MBP: variants seen among roughly 807,000 people sequenced by gnomAD.
MBP encodes the protein Golli-MBP.
In MBP, 16 loss-of-function variants were observed where a neutral mutation model predicts 35.8. The ratio of observed to expected loss-of-function variants is 0.45; its 90% confidence interval spans 0.30 to 0.68. The LOEUF (loss-of-function observed/expected upper bound fraction) is 0.68, where lower values mean the gene tolerates loss of function less well. Ranked by LOEUF, MBP falls within the 30% of genes least tolerant of loss-of-function variation. The probability of loss-of-function intolerance (pLI) is 0.08; values close to 1 mark genes in which losing one functional copy is unlikely to be tolerated. For missense variants in MBP, 380 were observed against 404.7 expected, an observed-to-expected ratio of 0.94 and a Z score of 0.52; for synonymous variants, 143 against 159.6, an observed-to-expected ratio of 0.90 and a Z score of 0.78.
intron 2 of MBP, among the ~76,000 whole-genome samples, chr18:77,088,695 T>C (rs934760183): frequency 3.9e-5 from 6 of 152,140 alleles, no homozygotes; most frequent in African/African-American, 1.4e-4. Context: ...AAAAGATCAG[T>C]AGGATAAAAA....
intron 1 of MBP, chr18:77,115,082 T>C (rs547874587): frequency 6.6e-6 from 1 of 152,388 alleles, no homozygotes; most frequent in African/African-American, 2.4e-5. Context: ...AGAGGAACAC[T>C]ACACGCTGGC....
At position 76,989,791 on chromosome 18, in the gene MBP, G is replaced by C; in HGVS notation, c.681+165C>G. ...GATACAGTCGGGAAGCGCTTGCCTG[G>C]AACTCGCGATCAGGTGCGAGGGGGG... On this transcript the variant is annotated intron_variant, in intron 5 of 8. Transcript: ENST00000355994. The surrounding 1 kb of genome is among the most constrained non-coding windows in gnomAD (Gnocchi z 4.0). 1.6e-6 allele frequency: 1 copy of C among 624,142 alleles called. No homozygotes were observed. The highest frequency in any genetic ancestry group is 2.8e-5 in the East Asian group (1 of 35,468). 38.7% of individuals were successfully genotyped at this position (624,142 alleles called of 1,614,324 possible).
intron 3 of MBP, among the ~76,000 whole-genome samples, chr18:77,062,252 A>T (rs1974012817): frequency 6.6e-6 from 1 of 152,182 alleles, no homozygotes; most frequent in African/African-American, 2.4e-5. Context: ...CCCCACGATT[A>T]GTCAACTCTG....
At position 77,062,693 on chromosome 18, in the gene MBP, G is replaced by A. The variant is rs537640945; in HGVS notation, c.139+3605C>T. ...TCACAGAGACGAGGAGGAAGGCTGCGTGGTTTTAGTTGTCTGTTTGTGGTT... is the reference window on the plus strand; with the variant it reads ...TCACAGAGACGAGGAGGAAGGCTGCATGGTTTTAGTTGTCTGTTTGTGGTT... On this transcript the variant is annotated intron_variant, in intron 3 of 8. Coordinates refer to ENST00000355994, the MANE Select transcript of MBP (RefSeq NM_001025101.2). Among the ~76,000 whole-genome samples the A allele has an allele frequency of 9.1e-4, 139 of 152,296 alleles. 1 individual carries two copies. The highest frequency in any genetic ancestry group is 1.5e-3 in the East Asian group (8 of 5,188).
intron 2 of MBP, among the ~76,000 whole-genome samples, chr18:77,073,906 A>G (rs73968296): frequency 0.028 from 4,280 of 152,298 alleles, 86 homozygotes; most frequent in East Asian, 0.09. Flanking sequence ...TCACCATGAT[A>G]TCTGTTACTT....
At chr18:77,068,406 A>ACTTT (rs773292524) in intron 2 of MBP, among the ~76,000 whole-genome samples, 15,942 of 152,172 alleles carry the variant, frequency 0.1, 1,062 homozygotes, top group Non-Finnish European at 0.15. Flanking sequence ...GATGACGAGG[A>ACTTT]AGTCCCGTCT....
At chr18:77,031,922 T>C (rs368371412) in intron 3 of MBP, among the ~76,000 whole-genome samples, 2 of 152,352 alleles carry the variant, frequency 1.3e-5, no homozygotes, top group East Asian at 3.9e-4. Flanking sequence ...CCAGCTCCTG[T>C]CCAGCAGATA....
At chr18:77,035,046 T>G (rs140050947) in intron 3 of MBP, among the ~76,000 whole-genome samples, 129 of 152,352 alleles carry the variant, frequency 8.5e-4, no homozygotes, top group African/African-American at 3.0e-3. Context: ...GGATGCAGCA[T>G]GCCCCAAGTT....
chr18:77,009,726 C>T (rs887948222), intron 4 of MBP: 5 of 825,132 alleles, frequency 6.1e-6, no homozygotes, highest in Admixed American at 2.7e-5. Context: ...CTCACAGATG[C>T]CCCGGAGGCT....
intron 1 of MBP, among the ~76,000 whole-genome samples, chr18:77,132,204 G>C (rs1364666485): frequency 6.6e-6 from 1 of 152,154 alleles, no homozygotes. Context: ...GCGACCCTGG[G>C]ACCGCCGGGC....
At chr18:77,128,549 AC>A (rs1977136111) in intron 1 of MBP, among the ~76,000 whole-genome samples, 1 of 152,020 alleles carries the variant, frequency 6.6e-6, no homozygotes, top group South Asian at 2.1e-4. Context: ...ACACACACAC[AC>A]AGAGCAGTCT....
upstream of MBP, chr18:77,132,968 G>T (rs1434879001): frequency 6.6e-6 from 1 of 152,106 alleles, no homozygotes. Flanking sequence ...AACTTGGGGG[G>T]CGCACGGGGC....
chr18:77,033,872 A>C (rs1972642349), intron 3 of MBP, among the ~76,000 whole-genome samples: 1 of 151,786 alleles, frequency 6.6e-6, no homozygotes, highest in Non-Finnish European at 1.5e-5. Flanking sequence ...CCATTTATCC[A>C]TCCATCCACA....
intron 3 of MBP, 44 bp downstream of exon 3, chr18:77,066,254 C>T: frequency 6.9e-7 from 1 of 1,439,032 alleles, no homozygotes; most frequent in Non-Finnish European, 9.8e-7. Flanking sequence ...CAGGTGCACG[C>T]TGTCACCATG....
intron 3 of MBP, among the ~76,000 whole-genome samples, chr18:77,022,290 C>T (rs553498612): frequency 6.6e-5 from 10 of 152,270 alleles, no homozygotes; most frequent in South Asian, 4.2e-4. Flanking sequence ...GGATTGCGTA[C>T]GGCTGCCAGT....
chr18:77,122,241 C>A (rs926343449), intron 1 of MBP, among the ~76,000 whole-genome samples: 8 of 152,164 alleles, frequency 5.3e-5, no homozygotes, highest in African/African-American at 1.9e-4. Flanking sequence ...TGCAATGTAG[C>A]ATTTAAGCCC....
At chr18:77,124,238 C>T (rs952233228) in intron 1 of MBP, among the ~76,000 whole-genome samples, 3 of 152,124 alleles carry the variant, frequency 2.0e-5, no homozygotes, top group African/African-American at 4.8e-5. Context: ...TTATTACTTG[C>T]CTTTTTATAC....
At chr18:76,984,679 G>C (rs1365983296) in intron 8 of MBP, 96 bp downstream of exon 8, 2 of 1,563,182 alleles carry the variant, frequency 1.3e-6, no homozygotes, top group Non-Finnish European at 1.8e-6. Flanking sequence ...CAGTGCGGCT[G>C]AGCCAGAGGC....
rs562191823 is a variant in MBP, at chr18:77,017,023, C to A, written c.385G>T (p.Glu129Ter). The change falls in exon 4 of 9, where the codon GAG becomes TAG. Residue 129 changes from glutamate (E) to a stop codon, truncating the protein, a stop_gained. Transcript: ENST00000355994. LOFTEE classifies it high-confidence loss of function. The part of the protein sequence containing the change: ...TIQEDSAATS[E>*]SLDVMASQKR... The stretch of plus-strand genomic sequence containing the variant: ...TGTGACGCCATCACATCCAGGCTCT[C>A]GGAGGTGGCTGCACTGTCTTCTTGG... 27 of 1,614,092 alleles carry A rather than the reference C, an allele frequency of 1.7e-5. No individual in the cohort carries two copies. In the Admixed American group the frequency reaches 2.8e-4, roughly 17 times the overall value.
Sources: allele counts gnomAD v4.1 joint callset (sites outside exome capture counted in the v4.1 genomes callset), GRCh38; gene constraint gnomAD v4.1.1; non-coding constraint Gnocchi (gnomAD v3.1); transcripts MANE v1.5; gene names NCBI Gene and HGNC (gene_info 2026-07-23, HGNC 2026-07-21).